CDH19: variants seen among roughly 807,000 people sequenced by gnomAD.
CDH19 encodes the protein cadherin 19, also known as cadherin-19.
In CDH19, 67 loss-of-function variants were observed where a neutral mutation model predicts 64.2. The ratio of observed to expected loss-of-function variants is 1.04; its 90% CI spans 0.86 to 1.28. CDH19 has a LOEUF of 1.28. Ranked by LOEUF, CDH19 falls within the 50% of genes most tolerant of loss-of-function variation. CDH19 has a pLI of 0.00. For synonymous variants in CDH19, 346 were observed against 319.3 expected (o/e 1.08, Z -0.89); for missense variants, 1,030 against 929.0 (o/e 1.11, Z -1.41).
chr18:66,586,755 A>C (rs1481529353), intron 1 of CDH19, among the ~76,000 whole-genome samples: 2 of 152,050 alleles, frequency 1.3e-5, no homozygotes, highest in Non-Finnish European at 2.9e-5. Context: ...ATTTATTTAA[A>C]TCTTGTCTGT....
chr18:66,524,542 G>GTGTGTA (rs74173408), intron 9 of CDH19, among the ~76,000 whole-genome samples: 22 of 94,574 alleles, frequency 2.3e-4, no homozygotes, highest in South Asian at 9.3e-4. Context: ...ATGTTTGTGT[G>GTGTGTA]TATATATATA....
intron 8 of CDH19, among the ~76,000 whole-genome samples, chr18:66,533,292 T>G (rs185444348): frequency 1.6e-3 from 245 of 151,986 alleles, no homozygotes; most frequent in Admixed American, 4.1e-3. Flanking sequence ...ATTTTGAGAC[T>G]TTTCTCCATT....
chr18:66,548,330 G>A (rs993613506), intron 5 of CDH19, among the ~76,000 whole-genome samples: 1 of 150,232 alleles, frequency 6.7e-6, no homozygotes, highest in Non-Finnish European at 1.5e-5. Context: ...GCTCAAGGGA[G>A]AAGTTCAGTC....
chr18:66,510,614 AATAATAAT>A (rs1271586343), intron 10 of CDH19, among the ~76,000 whole-genome samples: 4 of 147,272 alleles, frequency 2.7e-5, no homozygotes, highest in African/African-American at 9.8e-5. Flanking sequence ...TAATAATAAT[AATAATAAT>A]AATAATACAT....
At chr18:66,590,222 T>G (rs781629637) in intron 1 of CDH19, among the ~76,000 whole-genome samples, 2 of 151,874 alleles carry the variant, frequency 1.3e-5, no homozygotes, top group African/African-American at 4.8e-5. Flanking sequence ...CGGTAAATAT[T>G]TTCAGGAAAT....
chr18:66,582,194 T>C (rs1988442948), intron 1 of CDH19, among the ~76,000 whole-genome samples: 1 of 152,108 alleles, frequency 6.6e-6, no homozygotes, highest in Non-Finnish European at 1.5e-5. Flanking sequence ...TATCTCTTCT[T>C]AGTATATAAT....
Position 66,572,133 on chromosome 18 carries a change from T to C in CDH19, c.72A>G (p.Glu24=). The change falls in exon 2 of 12, where the codon GAA becomes GAG. Residue 24 remains glutamate (E), a synonymous_variant. Coordinates refer to ENST00000262150, the MANE Select transcript of CDH19 (RefSeq NM_021153.4). ...PLLWPCLGAT[E]NSQTKKVKQP... is the part of the protein sequence containing the mutation. ...GCTTGACTTTCTTTGTTTGAGAGTT[T>C]TCTGTTGCTCCAAGACAAGGCCATA... 6.2e-7 allele frequency: 1 copy of C among 1,611,650 alleles called. No individual in the cohort carries two copies. Among genetic ancestry groups the C allele is most frequent in the Non-Finnish European group, 8.5e-7 (1 of 1,178,470 alleles).
chr18:66,545,985 C>A, intron 5 of CDH19, among the ~76,000 whole-genome samples: 1 of 151,170 alleles, frequency 6.6e-6, no homozygotes. Flanking sequence ...TTGTGTAAAA[C>A]TGATATAGAA....
chr18:66,594,732 A>C (rs1221034997), intron 1 of CDH19, among the ~76,000 whole-genome samples: 1 of 151,336 alleles, frequency 6.6e-6, no homozygotes, highest in Admixed American at 6.6e-5. Context: ...GGAAATCATC[A>C]TTCTCAGTAA....
intron 7 of CDH19, among the ~76,000 whole-genome samples, chr18:66,541,032 T>C (rs1289970961): frequency 2.0e-5 from 3 of 152,156 alleles, no homozygotes; most frequent in Admixed American, 6.5e-5. Flanking sequence ...CCATTATTTC[T>C]GTGCCCCATT....
intron 3 of CDH19, among the ~76,000 whole-genome samples, chr18:66,562,374 T>G (rs962911788): frequency 4.0e-5 from 6 of 151,800 alleles, no homozygotes; most frequent in African/African-American, 1.2e-4. Context: ...CCTAGATTCC[T>G]CACATGTGCA....
At chr18:66,588,529 C>T (rs1262796132) in intron 1 of CDH19, among the ~76,000 whole-genome samples, 5 of 150,170 alleles carry the variant, frequency 3.3e-5, no homozygotes, top group African/African-American at 1.2e-4. Flanking sequence ...TTGATTTAAC[C>T]CATCACCACA....
chr18:66,552,973 C>A (rs1159974496), intron 4 of CDH19, among the ~76,000 whole-genome samples: 1 of 133,714 alleles, frequency 7.5e-6, no homozygotes, highest in Non-Finnish European at 1.5e-5. Context: ...TTCCCATGCC[C>A]TGAAATCATC....
At chr18:66,509,732 G>A (rs1985381122) in intron 10 of CDH19, among the ~76,000 whole-genome samples, 1 of 151,606 alleles carries the variant, frequency 6.6e-6, no homozygotes, top group Non-Finnish European at 1.5e-5. Flanking sequence ...TCTAATACTT[G>A]TGACCCATTA....
intron 9 of CDH19, among the ~76,000 whole-genome samples, chr18:66,525,060 T>C (rs2144398445): frequency 6.6e-6 from 1 of 152,270 alleles, no homozygotes; most frequent in African/African-American, 2.4e-5. Flanking sequence ...GACACGCATA[T>C]TTAACAATTT....
At chr18:66,601,286 T>C (rs1044570064) in intron 1 of CDH19, among the ~76,000 whole-genome samples, 1 of 151,930 alleles carries the variant, frequency 6.6e-6, no homozygotes, top group African/African-American at 2.4e-5. Context: ...ACTTCTTTTC[T>C]GTGATGTATT....
chr18:66,568,336 T>A, intron 3 of CDH19, 80 bp downstream of exon 3: 1 of 1,095,444 alleles, frequency 9.1e-7, no homozygotes, highest in Non-Finnish European at 1.3e-6. Flanking sequence ...CCTTAAATCA[T>A]CTACTTCCAA....
chr18:66,537,407 T>C (rs1986715972), intron 7 of CDH19, among the ~76,000 whole-genome samples: 1 of 151,944 alleles, frequency 6.6e-6, no homozygotes, highest in African/African-American at 2.4e-5. Flanking sequence ...AGACATGATA[T>C]ACTTTCTTAG....
intron 9 of CDH19, among the ~76,000 whole-genome samples, chr18:66,523,248 C>A (rs1986070811): frequency 6.6e-6 from 1 of 152,054 alleles, no homozygotes; most frequent in African/African-American, 2.4e-5. Context: ...AGGGACAAAA[C>A]CACATGATCA....
Sources: allele counts gnomAD v4.1 joint callset (sites outside exome capture counted in the v4.1 genomes callset), GRCh38; gene constraint gnomAD v4.1.1; transcripts MANE v1.5; gene names NCBI Gene and HGNC (gene_info 2026-07-23, HGNC 2026-07-21).